Variants in RHPN1 observed in about 807,000 individuals in gnomAD.
The protein encoded by RHPN1 is rhophilin-1.
RHPN1 carries 77 observed loss-of-function variants against 74.7 expected under a neutral mutation model. That is an observed-to-expected ratio of 1.03 (90% CI 0.86 to 1.25). The LOEUF (loss-of-function observed/expected upper bound fraction) is 1.25, where lower values mean the gene tolerates loss of function less well. RHPN1 is among the 50% of genes most tolerant of loss of function. The pLI is 0.00. For missense variants in RHPN1, 987 were observed against 932.2 expected (o/e 1.06, Z -0.77); for synonymous variants, 444 against 414.5 (o/e 1.07, Z -0.87).
intron 3 of RHPN1, 38 bp downstream of exon 3, chr8:143,376,691 G>C: frequency 6.5e-7 from 1 of 1,540,428 alleles, no homozygotes; most frequent in East Asian, 2.5e-5. Context: ...GCGTGTATGT[G>C]TGTGCACGTG....
chr8:143,378,410 C>A, intron 5 of RHPN1, 64 bp downstream of exon 5: 1 of 1,234,752 alleles, frequency 8.1e-7, no homozygotes, highest in Non-Finnish European at 1.1e-6. Context: ...GAGGCTGAAG[C>A]TGAAGTCAGG....
Position 143,382,519 on chromosome 8 carries a change from G to C in RHPN1, c.1881G>C (p.Thr627=). The change falls in exon 15 of 15, where the codon ACG becomes ACC. Residue 627 remains threonine (T), a synonymous_variant. Coordinates refer to ENST00000289013, the MANE Select transcript of RHPN1 (RefSeq NM_052924.3). ...ATGGTTGCAAGACCCCGGCATCCAC[G>C]TGGGCCAGTCCCCGGCCCCTCCTCA... ...REHGCKTPAS[T]WASPRPLLNW... is the part of the protein sequence containing the mutation. 1 of 1,610,224 alleles carries C rather than the reference G, an allele frequency of 6.2e-7. No individual in the cohort carries two copies. Among genetic ancestry groups the C allele is most frequent in the Non-Finnish European group, 8.5e-7 (1 of 1,178,962 alleles).
In RHPN1 at chr8:143,383,560, A is replaced by T. The variant is rs1407001869; in HGVS notation, c.*909A>T. On this transcript the variant is annotated 3_prime_UTR_variant, in exon 15 of 15. Coordinates refer to ENST00000289013, the MANE Select transcript of RHPN1 (RefSeq NM_052924.3). ...ATGGCCCCCAAAGGCCGTCGGCAAGAACACCACCTCCAGGACCCCTACAGC... is the reference window on the plus strand; with the variant it reads ...ATGGCCCCCAAAGGCCGTCGGCAAGTACACCACCTCCAGGACCCCTACAGC... 3.3e-5 allele frequency: 5 copies of T among 152,464 alleles called. No individual in the cohort carries two copies. Among genetic ancestry groups the T allele is most frequent in the African/African-American group, 7.2e-5 (3 of 41,462 alleles). The allele number at this position is 152,464 out of a possible 1,614,324, so 9.4% of individuals were successfully genotyped here. A position where few individuals can be genotyped will look rare whatever the true frequency, so the allele number is the denominator to read the frequency against.
intron 1 of RHPN1, among the ~76,000 whole-genome samples, chr8:143,375,291 C>T (rs2130565103): frequency 6.6e-6 from 1 of 152,306 alleles, no homozygotes; most frequent in Middle Eastern, 3.4e-3. Flanking sequence ...TGCCAGCCTC[C>T]CCCGCTGACC....
intron 10 of RHPN1, 109 bp downstream of exon 10, chr8:143,380,284 G>A (rs780682093): frequency 2.9e-5 from 24 of 816,026 alleles, no homozygotes; most frequent in South Asian, 2.7e-4. Flanking sequence ...CCGTGCTGAC[G>A]AGTTGGGCCA....
At chr8:143,371,586 G>A (rs1291831516) in intron 1 of RHPN1, among the ~76,000 whole-genome samples, 2 of 152,172 alleles carry the variant, frequency 1.3e-5, no homozygotes, top group Admixed American at 6.5e-5. Context: ...GCCCCACTCT[G>A]GCCAGGGCCA....
rs749094920 is a variant in RHPN1 at position 143,380,002 on chromosome 8, C to T, written c.1102+17C>T. ...ACGGCTCCCGTGAGTGCCCACCACA[C>T]TTGCCCATGGTACTGCCAAGGCCCC... On this transcript the variant is annotated intron_variant, in intron 9 of 14. Coordinates refer to ENST00000289013, the MANE Select transcript of RHPN1 (RefSeq NM_052924.3). 2 of 1,553,384 alleles carry T rather than the reference C, an allele frequency of 1.3e-6. No individual in the cohort carries two copies. Among genetic ancestry groups the T allele is most frequent in the South Asian group, 2.4e-5 (2 of 84,266 alleles).
intron 12 of RHPN1, 49 bp downstream of exon 12, chr8:143,381,393 G>A (rs1818718659): frequency 1.3e-6 from 2 of 1,546,554 alleles, no homozygotes; most frequent in Non-Finnish European, 1.8e-6. Flanking sequence ...AGCTTGGGCT[G>A]TGTGGCTCTG....
chr8:143,365,045 A>G (rs572108437), upstream of RHPN1, among the ~76,000 whole-genome samples: 3 of 152,086 alleles, frequency 2.0e-5, no homozygotes, highest in Non-Finnish European at 4.4e-5. Flanking sequence ...ACAGGTGCAA[A>G]CCCACACTCC....
intron 3 of RHPN1, among the ~76,000 whole-genome samples, chr8:143,377,040 GTCTGTGTGTGTC>G (rs1181883029): frequency 1.4e-5 from 1 of 73,640 alleles, no homozygotes; most frequent in African/African-American, 3.4e-5. Context: ...ATGCACGTGT[GTCTGTGTGTGTC>G]TGTGTGTGCG....
chr8:143,381,822 G>A lies in RHPN1; in HGVS notation c.1651G>A (p.Glu551Lys), dbSNP rs747705915. The A allele has an allele frequency of 1.2e-6, 2 of 1,612,908 alleles. No homozygotes were observed. Among genetic ancestry groups the A allele is most frequent in the Non-Finnish European group, 1.7e-6 (2 of 1,179,708 alleles). The change falls in exon 14 of 15, where the codon GAG (glutamate) becomes AAG (lysine). Residue 551 changes from glutamate to lysine, a missense_variant. Coordinates refer to ENST00000289013, the MANE Select transcript of RHPN1 (RefSeq NM_052924.3). ...GSQAAAAGLKEGDYIVSVNGQ... is the reference protein window; with the variant it reads ...GSQAAAAGLKKGDYIVSVNGQ... Reference sequence around the variant, plus strand: ...CTCCCCACAGGCGGCTGGCCTGAAGGAGGGCGACTACATTGTGTCAGTGAA... The same window carrying A: ...CTCCCCACAGGCGGCTGGCCTGAAGAAGGGCGACTACATTGTGTCAGTGAA...
chr8:143,378,459 T>A, intron 5 of RHPN1, 113 bp downstream of exon 5: 1 of 1,042,862 alleles, frequency 9.6e-7, no homozygotes, highest in South Asian at 1.5e-5. Flanking sequence ...CTCGAGGACG[T>A]GGGGAGACGG....
rs745933570 is a variant in RHPN1, at chr8:143,381,270, A to G, written c.1414A>G (p.Lys472Glu). 3.1e-6 allele frequency: 5 copies of G among 1,612,740 alleles called. No individual in the cohort carries two copies. The highest frequency in any genetic ancestry group is 1.1e-5 in the South Asian group (1 of 90,932). ...GCTCTGCTCTTACACCCTCTCAGCT[A>G]AGACCCACCAGAAGCCAGAGGCCAG... Reference protein sequence around the residue: ...EAAEAPDIQPKTHQKPEARMP... With the variant: ...EAAEAPDIQPETHQKPEARMP... Residue 472 changes from lysine to glutamate, a missense_variant and splice_region_variant, in exon 12 of 15, where the codon AAG becomes GAG. Coordinates refer to ENST00000289013, the MANE Select transcript of RHPN1 (RefSeq NM_052924.3).
upstream of RHPN1, among the ~76,000 whole-genome samples, chr8:143,364,971 G>A (rs796662242): frequency 3.9e-5 from 6 of 152,262 alleles, no homozygotes; most frequent in South Asian, 4.1e-4. The surrounding 1 kb of genome is among the most constrained non-coding windows in gnomAD (Gnocchi z 4.5). Flanking sequence ...GCGGGAGAGC[G>A]TGTTCTCTTC....
rs1378943561 is a variant in RHPN1 at position 143,381,297 on chromosome 8, A to C, written c.1441A>C (p.Met481Leu). Residue 481 changes from methionine to leucine, a missense_variant, in exon 12 of 15, where the codon ATG (methionine) becomes CTG (leucine). Physicochemically the swap from Met to Leu is conservative, Grantham distance 15. Transcript: ENST00000289013. ...PKTHQKPEAR[M>L]PRLSQGKGPD... is the part of the protein sequence containing the mutation. ...GACCCACCAGAAGCCAGAGGCCAGG[A>C]TGCCACGCCTGTCCCAGGGGAAGGG... 6.2e-7 allele frequency: 1 copy of C among 1,613,106 alleles called. No individual in the cohort carries two copies.
rs1428381209 is a variant in RHPN1, at chr8:143,377,427, A to G, written c.353A>G (p.Lys118Arg). The G allele has an allele frequency of 6.2e-7, 1 of 1,613,260 alleles. No individual in the cohort carries two copies. Among genetic ancestry groups the G allele is most frequent in the Non-Finnish European group, 8.5e-7 (1 of 1,179,490 alleles). ...ATCCCCCTGGGCCTGAAGGAGACCAAGGAGCTGGACTGGTCTACACCGCTG... is the reference window on the plus strand; with the variant it reads ...ATCCCCCTGGGCCTGAAGGAGACCAGGGAGCTGGACTGGTCTACACCGCTG... ...PMIPLGLKET[K>R]ELDWSTPLKE... The change falls in exon 4 of 15, where the codon AAG (lysine) becomes AGG (arginine). Residue 118 changes from lysine (K) to arginine (R), a missense_variant. Lys to Arg is a conservative substitution (Grantham distance 26). Coordinates refer to ENST00000289013, the MANE Select transcript of RHPN1 (RefSeq NM_052924.3).
rs1303805953 is a variant in RHPN1, at chr8:143,382,426, C to T, written c.1798-10C>T. 1.3e-6 allele frequency: 2 copies of T among 1,552,368 alleles called. No homozygotes were observed. Among genetic ancestry groups the T allele is most frequent in the African/African-American group, 2.7e-5 (2 of 73,340 alleles). On this transcript the variant is annotated splice_polypyrimidine_tract_variant and intron_variant, in intron 14 of 14. Transcript: ENST00000289013. ...TGGCTGACCACAGTCTGTCTCTGTC[C>T]CTGCTGCAGGGGGACCGCCGGCCCG...
Position 143,378,680 on chromosome 8 carries a change from G to A in RHPN1, c.460-16G>A. 6.3e-7 allele frequency: 1 copy of A among 1,591,340 alleles called. No individual in the cohort carries two copies. The highest frequency in any genetic ancestry group is 1.1e-5 in the South Asian group (1 of 87,798). ...GTGGGCCAGGGCGGTGGGGCCCAGT[G>A]GCTCCTGCCCTGCAGGCCATGCGGA... On this transcript the variant is annotated splice_polypyrimidine_tract_variant and intron_variant, in intron 5 of 14. Transcript: ENST00000289013.
intron 2 of RHPN1, among the ~76,000 whole-genome samples, 199 bp from the exon 3 acceptor site, chr8:143,376,326 C>T (rs994260859): frequency 2.0e-5 from 3 of 152,216 alleles, no homozygotes; most frequent in Non-Finnish European, 4.4e-5. Context: ...GGGTGATGAA[C>T]TGTAGGGGGC....
Sources: gnomAD v4.1 joint callset for allele counts (sites outside exome capture counted in the v4.1 genomes callset) on GRCh38, gnomAD v4.1.1 for gene constraint, Gnocchi (gnomAD v3.1) non-coding constraint, MANE v1.5 for transcripts, NCBI Gene and HGNC (gene_info 2026-07-23, HGNC 2026-07-21) for gene names.